ITGA9: variants seen among roughly 807,000 people sequenced by gnomAD.
ITGA9 encodes integrin subunit alpha 9.
In ITGA9, 56 loss-of-function variants were observed where a neutral mutation model predicts 127.8. That is an observed-to-expected ratio of 0.44 (90% CI 0.35 to 0.55). The LOEUF (loss-of-function observed/expected upper bound fraction) is 0.55, where lower values mean the gene tolerates loss of function less well. Ranked by LOEUF, ITGA9 falls within the 20% of genes least tolerant of loss-of-function variation. The pLI, the probability that ITGA9 is intolerant of heterozygous loss-of-function variation, is 0.00. For missense variants in ITGA9, 1,196 were observed against 1,347.1 expected (o/e 0.89, Z 1.76); for synonymous variants, 508 against 514.5 (o/e 0.99, Z 0.17).
In ITGA9 at chr3:37,778,347, G is replaced by A. The variant is rs143480575; in HGVS notation, c.2667+830G>A. Among the ~76,000 whole-genome samples the A allele has an allele frequency of 3.0e-4, 45 of 152,214 alleles. No individual in the cohort carries two copies. The East Asian group carries it at 7.7e-3, about 26-fold the overall frequency. ...AAATTTTTAAAGACAGGCCGGGCAC[G>A]GTGGCTCATGCCTGTAATACCAGCA... On this transcript the variant is annotated intron_variant, in intron 24 of 27. Coordinates refer to ENST00000264741, the MANE Select transcript of ITGA9 (RefSeq NM_002207.3).
At chr3:37,625,065 G>T (rs1700163710) in intron 15 of ITGA9, among the ~76,000 whole-genome samples, 1 of 152,064 alleles carries the variant, frequency 6.6e-6, no homozygotes, top group South Asian at 2.1e-4. Context: ...TCCCACCTTT[G>T]GGAGTCAGAT....
intron 17 of ITGA9, among the ~76,000 whole-genome samples, chr3:37,672,972 G>A (rs944111060): frequency 6.6e-6 from 1 of 150,686 alleles, no homozygotes; most frequent in Admixed American, 6.6e-5. Flanking sequence ...CTAAATATTT[G>A]CCACAATCTC....
chr3:37,512,081 C>T lies in ITGA9; in HGVS notation c.898-1682C>T, dbSNP rs186238406. 6.3e-3 allele frequency among the ~76,000 whole-genome samples: 461 copies of T among 73,262 alleles called. 7 individuals carry two copies. The highest frequency in any genetic ancestry group is 0.029 in the Middle Eastern group (4 of 138). 48.1% of individuals were successfully genotyped at this position (73,262 alleles called of 152,430 possible). On this transcript the variant is annotated intron_variant, in intron 8 of 27. Transcript: ENST00000264741. ...CTTTCTTTCTTTCTTTCTTTCCTTCCTTCCTTCCTTCCTTCCTTCCTTCCT... is the reference window on the plus strand; with the variant it reads ...CTTTCTTTCTTTCTTTCTTTCCTTCTTTCCTTCCTTCCTTCCTTCCTTCCT...
rs1700268799 is a variant in ITGA9, at chr3:37,635,530, T to G, written c.1839+6194T>G. On this transcript the variant is annotated intron_variant, in intron 16 of 27. Transcript: ENST00000264741. ...GATTCCTGAACCAGCAGCATCAACC[T>G]CTCTTGGGATTTTGTGAGAAATGAA... 2.0e-5 allele frequency among the ~76,000 whole-genome samples: 3 copies of G among 152,048 alleles called. No homozygotes were observed. In the South Asian group the frequency reaches 6.2e-4, roughly 32 times the overall value.
chr3:37,655,877 G>C (rs943833676), intron 17 of ITGA9, among the ~76,000 whole-genome samples: 1 of 152,158 alleles, frequency 6.6e-6, no homozygotes, highest in South Asian at 2.1e-4. Flanking sequence ...TGTATAAAGT[G>C]TAAGGAAAGG....
chr3:37,467,384 G>T (rs1042725777), intron 1 of ITGA9, among the ~76,000 whole-genome samples: 6 of 152,194 alleles, frequency 3.9e-5, no homozygotes, highest in Admixed American at 6.5e-5. Context: ...AATTCAGCAG[G>T]TTCCTTTCCA....
At position 37,503,405 on chromosome 3, in the gene ITGA9, T is replaced by C. The variant is rs1031381489; in HGVS notation, c.742+98T>C. ...CTTCATTGTTGGAAAGAGGAGTTAGTTGGCTTTGACGCCTGTTGTTCTAAT... is the reference window on the plus strand; with the variant it reads ...CTTCATTGTTGGAAAGAGGAGTTAGCTGGCTTTGACGCCTGTTGTTCTAAT... On this transcript the variant is annotated intron_variant, in intron 6 of 27. Transcript: ENST00000264741. 131 of 1,424,274 alleles carry C rather than the reference T, an allele frequency of 9.2e-5. No individual in the cohort carries two copies. In the Admixed American group the frequency reaches 2.5e-3, roughly 27 times the overall value. The allele number at this position is 1,424,274 out of a possible 1,614,324, so 88.2% of individuals were successfully genotyped here.
intron 15 of ITGA9, among the ~76,000 whole-genome samples, chr3:37,570,037 C>G (rs1699585413): frequency 6.6e-6 from 1 of 152,236 alleles, no homozygotes; most frequent in Non-Finnish European, 1.5e-5. Context: ...GAAGATCACA[C>G]AACTGTGAGA....
intron 3 of ITGA9, among the ~76,000 whole-genome samples, chr3:37,479,750 G>A (rs1157599970): frequency 2.6e-5 from 4 of 152,194 alleles, no homozygotes; most frequent in African/African-American, 4.8e-5. Context: ...ATGCTTCATA[G>A]TGAAACAAGG....
At chr3:37,617,738 C>T (rs1700088863) in intron 15 of ITGA9, among the ~76,000 whole-genome samples, 1 of 152,168 alleles carries the variant, frequency 6.6e-6, no homozygotes, top group African/African-American at 2.4e-5. Flanking sequence ...GATATCCTTT[C>T]TTCTAGTTGA....
Position 37,818,892 on chromosome 3 carries a change from TG to T in ITGA9, c.3014del (p.Gly1005AlafsTer83). Reference sequence around the variant, plus strand: ...CTTCTCTTTCTTTCTGCCTTTCAGATGGGCTTCTTTCGCCGAAGGTACAAAG... The same window carrying T: ...CTTCTCTTTCTTTCTGCCTTTCAGATGGCTTCTTTCGCCGAAGGTACAAAG... ...FLLLAVLLWK[M>X]GFFRRRYKEI... On this transcript the variant is annotated frameshift_variant and splice_region_variant, in exon 28 of 28. Coordinates refer to ENST00000264741, the MANE Select transcript of ITGA9 (RefSeq NM_002207.3). LOFTEE classifies it high-confidence loss of function. 1 of 1,612,032 alleles carries T rather than the reference TG, an allele frequency of 6.2e-7. No individual in the cohort carries two copies. The highest frequency in any genetic ancestry group is 8.5e-7 in the Non-Finnish European group (1 of 1,178,164).
chr3:37,780,128 C>T (rs1696959262), intron 25 of ITGA9, 107 bp downstream of exon 25: 7 of 1,362,914 alleles, frequency 5.1e-6, no homozygotes, highest in Non-Finnish European at 7.3e-6. Flanking sequence ...GAATTGGTGT[C>T]CTCATGACAA....
At chr3:37,709,133 T>C (rs7373528) in intron 18 of ITGA9, among the ~76,000 whole-genome samples, 67,250 of 151,966 alleles carry the variant, frequency 0.44, 15,221 homozygotes, top group South Asian at 0.57. Context: ...ATGTTGACCT[T>C]ATAAATTTGT....
chr3:37,672,595 T>G (rs960342091), intron 17 of ITGA9, among the ~76,000 whole-genome samples: 2 of 151,804 alleles, frequency 1.3e-5, no homozygotes, highest in Non-Finnish European at 2.9e-5. Context: ...GAGGACAGGG[T>G]CAGATAAGGT....
intron 18 of ITGA9, among the ~76,000 whole-genome samples, chr3:37,705,245 G>A (rs1375636935): frequency 6.6e-6 from 1 of 152,154 alleles, no homozygotes; most frequent in Admixed American, 6.5e-5. Context: ...TGAAAATAGA[G>A]GATTTTTAAT....
At chr3:37,781,332 A>C (rs182547128) in intron 25 of ITGA9, among the ~76,000 whole-genome samples, 1 of 152,250 alleles carries the variant, frequency 6.6e-6, no homozygotes, top group African/African-American at 2.4e-5. Context: ...CAACTGTTCA[A>C]CTCTGCCATT....
In ITGA9 at chr3:37,819,156, G is replaced by A. The variant is rs143402730; in HGVS notation, c.*167G>A. 2.2e-4 allele frequency: 149 copies of A among 665,616 alleles called. No individual in the cohort carries two copies. In the East Asian group the frequency reaches 2.6e-3, roughly 11 times the overall value. 41.2% of individuals were successfully genotyped at this position (665,616 alleles called of 1,614,324 possible). ...GGTGCCAGCCTGAGGCAGCCACTTC[G>A]GCCAGGTCACACGACCGGGGCCAGC... is the stretch of plus-strand genomic sequence containing the variant. On this transcript the variant is annotated 3_prime_UTR_variant, in exon 28 of 28. Coordinates refer to ENST00000264741, the MANE Select transcript of ITGA9 (RefSeq NM_002207.3).
chr3:37,564,242 T>C (rs1328670231), intron 15 of ITGA9, among the ~76,000 whole-genome samples: 33 of 152,242 alleles, frequency 2.2e-4, no homozygotes, highest in Admixed American at 2.2e-3. Flanking sequence ...ATATACCTTT[T>C]CTCTCTACTC....
chr3:37,797,392 T>C (rs1357993160), intron 26 of ITGA9, among the ~76,000 whole-genome samples: 1 of 152,036 alleles, frequency 6.6e-6, no homozygotes, highest in Non-Finnish European at 1.5e-5. Flanking sequence ...GTAGTCTGGG[T>C]TCTAGCTGCC....
Sources: allele counts gnomAD v4.1 joint callset (sites outside exome capture counted in the v4.1 genomes callset), GRCh38; gene constraint gnomAD v4.1.1; transcripts MANE v1.5; gene names NCBI Gene and HGNC (gene_info 2026-07-23, HGNC 2026-07-21).